The following CLOCK variants were observed in gnomAD, a reference collection of about 807,000 sequenced individuals.
The protein encoded by CLOCK is clock circadian regulator, also known as circadian locomoter output cycles protein kaput.
Under a neutral mutation model 118.4 loss-of-function variants are expected in CLOCK, and 43 were observed. The ratio of observed to expected loss-of-function variants is 0.36; its 90% confidence interval spans 0.28 to 0.47. The LOEUF (loss-of-function observed/expected upper bound fraction) is 0.47, where lower values mean the gene tolerates loss of function less well. Among genes scored for constraint, CLOCK ranks in the 20% least tolerant of loss-of-function variants. The pLI, the probability that CLOCK is intolerant of heterozygous loss-of-function variation, is 1.00. For synonymous variants in CLOCK, 326 were observed against 339.2 expected, an observed-to-expected ratio of 0.96 and a Z score of 0.43; for missense variants, 846 against 999.9, an observed-to-expected ratio of 0.85 and a Z score of 2.08.
chr4:55,518,542 T>C (rs894431314), intron 1 of CLOCK, among the ~76,000 whole-genome samples: 2 of 152,186 alleles, frequency 1.3e-5, no homozygotes, highest in Non-Finnish European at 2.9e-5. Flanking sequence ...ATTCTTATGT[T>C]GAAACTTAAT....
rs187035629 is a variant in CLOCK, at chr4:55,476,020, T to C, written c.291A>G (p.Arg97=). The stretch of plus-strand genomic sequence containing the variant: ...TAAGGAATGTAGGTTTCCAGTCCTG[T>C]CGAATTTCACTAGCATCTGACTGTG... The part of the protein sequence containing the change: ...ITAQSDASEI[R]QDWKPTFLSN... Residue 97 remains arginine (R), a synonymous_variant, in exon 7 of 23, where the codon CGA becomes CGG. Transcript: ENST00000513440. 6.2e-7 allele frequency: 1 copy of C among 1,613,250 alleles called. No individual in the cohort carries two copies. The highest frequency in any genetic ancestry group is 2.2e-5 in the East Asian group (1 of 44,852).
intron 18 of CLOCK, among the ~76,000 whole-genome samples, chr4:55,447,906 T>C (rs1724000581): frequency 6.6e-6 from 1 of 152,196 alleles, no homozygotes; most frequent in Non-Finnish European, 1.5e-5. Flanking sequence ...ATTTTTAATG[T>C]GTTTGAGGCA....
In CLOCK at chr4:55,507,914, A is replaced by C. The variant is rs1445513392; in HGVS notation, c.-136+1998T>G. Reference sequence around the variant, plus strand: ...TCTTAGGAAACTGGTAATTTAGCAAACCACCAAGACTCCTGTTTTCAGACA... The same window carrying C: ...TCTTAGGAAACTGGTAATTTAGCAACCCACCAAGACTCCTGTTTTCAGACA... On this transcript the variant is annotated intron_variant, in intron 2 of 22. Transcript: ENST00000513440. Among the ~76,000 whole-genome samples, 4 of 152,202 alleles carry C rather than the reference A, an allele frequency of 2.6e-5. 1 individual carries two copies. Among genetic ancestry groups the C allele is most frequent in the Non-Finnish European group, 5.9e-5 (4 of 68,042 alleles).
At chr4:55,541,951 A>G (rs1276003780) in intron 1 of CLOCK, among the ~76,000 whole-genome samples, 1 of 49,674 alleles carries the variant, frequency 2.0e-5, no homozygotes, top group African/African-American at 7.5e-5. Context: ...TCCCCCCACC[A>G]AAAAAAAAAA....
chr4:55,532,507 TA>T (rs1256222667), intron 1 of CLOCK, among the ~76,000 whole-genome samples: 2 of 152,030 alleles, frequency 1.3e-5, no homozygotes, highest in Non-Finnish European at 2.9e-5. Flanking sequence ...GTTGCATTTC[TA>T]TACACCAAAA....
intron 6 of CLOCK, among the ~76,000 whole-genome samples, chr4:55,476,626 G>C (rs1726528933): frequency 6.6e-6 from 1 of 152,080 alleles, no homozygotes; most frequent in African/African-American, 2.4e-5. Context: ...TTCCCACAGT[G>C]ATTTTTCTTA....
rs1722786088 is a variant in CLOCK, at chr4:55,435,197, T to A, written c.*218A>T. 6 of 572,196 alleles carry A rather than the reference T, an allele frequency of 1.0e-5. No homozygotes were observed. The highest frequency in any genetic ancestry group is 1.9e-5 in the Non-Finnish European group (6 of 319,302). 35.4% of individuals were successfully genotyped at this position (572,196 alleles called of 1,614,324 possible). ...CAGGCACCTAAAACACTGTCAGAAC[T>A]GGCTATGCCCCTATGATCACCTCCT... On this transcript the variant is annotated 3_prime_UTR_variant, in exon 23 of 23. Transcript: ENST00000513440.
At chr4:55,541,025 A>C (rs932638467) in intron 1 of CLOCK, among the ~76,000 whole-genome samples, 2 of 152,266 alleles carry the variant, frequency 1.3e-5, no homozygotes, top group African/African-American at 4.8e-5. Context: ...ATTTTTCACA[A>C]GTGATTTCTG....
At chr4:55,484,387 A>T (rs1417446238) in intron 3 of CLOCK, among the ~76,000 whole-genome samples, 1 of 152,102 alleles carries the variant, frequency 6.6e-6, no homozygotes, top group Admixed American at 6.6e-5. Context: ...TGAGTGACAG[A>T]GTCAAAGATA....
At chr4:55,458,131 G>A (rs1725041233) in intron 11 of CLOCK, among the ~76,000 whole-genome samples, 1 of 152,142 alleles carries the variant, frequency 6.6e-6, no homozygotes, top group African/African-American at 2.4e-5. Context: ...TGCAAACACA[G>A]TTCACTGCAG....
chr4:55,510,506 A>AT (rs1729071327), intron 1 of CLOCK, among the ~76,000 whole-genome samples: 1 of 151,990 alleles, frequency 6.6e-6, no homozygotes. Context: ...ATGCACCTAT[A>AT]ATCCCAGCTA....
chr4:55,489,965 A>G (rs1727560378), intron 2 of CLOCK, among the ~76,000 whole-genome samples: 1 of 152,092 alleles, frequency 6.6e-6, no homozygotes, highest in Non-Finnish European at 1.5e-5. Flanking sequence ...ACAGAGAAAA[A>G]CAGGAGGAAA....
chr4:55,511,776 C>T (rs912895477), intron 1 of CLOCK, among the ~76,000 whole-genome samples: 1 of 152,160 alleles, frequency 6.6e-6, no homozygotes, highest in African/African-American at 2.4e-5. Flanking sequence ...CCTCCCCTCA[C>T]TAACCCCTAC....
At chr4:55,516,695 G>C (rs569889710) in intron 1 of CLOCK, among the ~76,000 whole-genome samples, 7 of 152,262 alleles carry the variant, frequency 4.6e-5, no homozygotes, top group African/African-American at 1.7e-4. Flanking sequence ...AACATTTAAA[G>C]TGATCATTGA....
intron 18 of CLOCK, among the ~76,000 whole-genome samples, chr4:55,448,421 G>T (rs888842332): frequency 2.0e-5 from 3 of 152,042 alleles, no homozygotes; most frequent in Non-Finnish European, 2.9e-5. Context: ...ATTCTTTGTT[G>T]TGCAAGACTC....
At chr4:55,539,586 AAAAAAAAAAAAAAAG>A (rs1731126693) in intron 1 of CLOCK, among the ~76,000 whole-genome samples, 1 of 150,860 alleles carries the variant, frequency 6.6e-6, no homozygotes, top group Non-Finnish European at 1.5e-5. Flanking sequence ...AAAAAAAAAA[AAAAAAAAAAAAAAAG>A]GTGAAATTGA....
At chr4:55,483,372 G>C (rs577815230) in intron 3 of CLOCK, among the ~76,000 whole-genome samples, 35 of 152,328 alleles carry the variant, frequency 2.3e-4, no homozygotes, top group African/African-American at 8.2e-4. Flanking sequence ...GGGAATTAGA[G>C]AGGGGAAACG....
At chr4:55,506,600 G>A (rs1728810427) in intron 2 of CLOCK, among the ~76,000 whole-genome samples, 1 of 151,738 alleles carries the variant, frequency 6.6e-6, no homozygotes, top group Non-Finnish European at 1.5e-5. Flanking sequence ...TTGAGATGGA[G>A]TCTCGCTCTG....
At chr4:55,460,600 T>A (rs1244276293) in intron 9 of CLOCK, among the ~76,000 whole-genome samples, 1 of 152,184 alleles carries the variant, frequency 6.6e-6, no homozygotes, top group Admixed American at 6.5e-5. Context: ...GCAAATTACC[T>A]TGCATCTAGG....
Sources: gnomAD v4.1 joint callset for allele counts (sites outside exome capture counted in the v4.1 genomes callset) on GRCh38, gnomAD v4.1.1 for gene constraint, MANE v1.5 for transcripts, NCBI Gene and HGNC (gene_info 2026-07-23, HGNC 2026-07-21) for gene names.